The following SLC2A5 variants were observed in gnomAD, a reference collection of about 807,000 sequenced individuals.
SLC2A5 encodes solute carrier family 2 member 5, also known as solute carrier family 2, facilitated glucose transporter member 5.
SLC2A5 carries 56 observed loss-of-function variants against 50.3 expected under a neutral mutation model. That is an observed-to-expected ratio of 1.11 (90% CI 0.90 to 1.39). The LOEUF is 1.39. Ranked by LOEUF, SLC2A5 falls within the 40% of genes most tolerant of loss-of-function variation. The probability of loss-of-function intolerance (pLI) is 0.00; values close to 1 mark genes in which losing one functional copy is unlikely to be tolerated. For missense variants in SLC2A5, 566 were observed against 650.1 expected (o/e 0.87, Z 1.41); for synonymous variants, 269 against 281.9 (o/e 0.95, Z 0.46).
In SLC2A5 at chr1:9,066,103, A is replaced by C. The variant is rs1399342689; in HGVS notation, c.33+3401T>G. On this transcript the variant is annotated intron_variant, in intron 1 of 11. Transcript: ENST00000377424. ...GAATATCAGTGAGGACCCGGAGAGC[A>C]CAGAGGGGTGTCAGTTGCTCTAGGA... Among the ~76,000 whole-genome samples the C allele has an allele frequency of 2.6e-5, 4 of 152,224 alleles. 1 individual carries two copies. Among genetic ancestry groups the C allele is most frequent in the South Asian group, 4.1e-4 (2 of 4,834 alleles).
chr1:9,060,587 A>C (rs893545126), intron 1 of SLC2A5, among the ~76,000 whole-genome samples: 75 of 95,264 alleles, frequency 7.9e-4, no homozygotes, highest in East Asian at 5.3e-3. Context: ...CCCACCCCCC[A>C]CACACATAGG....
chr1:9,077,427 C>T (rs1019014204), intron 2 of SLC2A5, among the ~76,000 whole-genome samples: 2 of 134,032 alleles, frequency 1.5e-5, no homozygotes, highest in Admixed American at 1.5e-4. Flanking sequence ...AAAAAAAGAA[C>T]ACAAAAAAAC....
At chr1:9,092,296 C>G (rs1642468686), upstream of SLC2A5, among the ~76,000 whole-genome samples, 1 of 152,154 alleles carries the variant, frequency 6.6e-6, no homozygotes, top group Non-Finnish European at 1.5e-5. Context: ...AATTCAAACC[C>G]TACATACTGG....
rs540210288 is a variant in SLC2A5 at position 9,063,370 on chromosome 1, A to C, written c.34-5120T>G. 1.8e-3 allele frequency among the ~76,000 whole-genome samples: 269 copies of C among 148,174 alleles called. 2 individuals are homozygous for C. The highest frequency in any genetic ancestry group is 6.5e-3 in the African/African-American group (260 of 40,000). On this transcript the variant is annotated intron_variant, in intron 1 of 11. Transcript: ENST00000377424. The stretch of plus-strand genomic sequence containing the variant: ...CCAGCCTGTATACTTTATTTATTTA[A>C]ATTTTTTTTGTTGTTGTTTTGAGAC...
At chr1:9,057,402 T>C in intron 3 of SLC2A5, 46 bp downstream of exon 3, 2 of 1,463,046 alleles carry the variant, frequency 1.4e-6, no homozygotes, top group Non-Finnish European at 1.9e-6. Flanking sequence ...TTAGCTCTGA[T>C]GGGGGTCTAT....
chr1:9,073,189 G>T (rs1299254353), upstream of SLC2A5: 1 of 152,148 alleles, frequency 6.6e-6, no homozygotes, highest in East Asian at 1.9e-4. Context: ...TTAAAGTTTT[G>T]CCACGGGCCT....
At chr1:9,084,661 G>C (rs1329693961) in intron 2 of SLC2A5, among the ~76,000 whole-genome samples, 1 of 152,164 alleles carries the variant, frequency 6.6e-6, no homozygotes, top group Non-Finnish European at 1.5e-5. Context: ...AACATATCTT[G>C]CATCTCACCC....
At position 9,081,468 on chromosome 1, in the gene SLC2A5, T is replaced by TAA. The variant is rs34557003; in HGVS notation, c.-59+3544_-59+3545dup. On this transcript the variant is annotated intron_variant, in intron 2 of 5. Transcript: ENST00000464985. Reference sequence around the variant, plus strand: ...GGCAATGGAGGTAGACTCCTTCTCTTAAAAAAAAAAAAAAAAAAAAAGTAA... The same window carrying TAA: ...GGCAATGGAGGTAGACTCCTTCTCTTAAAAAAAAAAAAAAAAAAAAAAAGTAA... Among the ~76,000 whole-genome samples the TAA allele has an allele frequency of 2.7e-3, 275 of 102,422 alleles. 3 individuals carry two copies. The highest frequency in any genetic ancestry group is 8.2e-3 in the African/African-American group (215 of 26,062). The allele number at this position is 102,422 out of a possible 152,430, so 67.2% of individuals were successfully genotyped here.
chr1:9,069,302 A>G (rs1421102570), intron 1 of SLC2A5, among the ~76,000 whole-genome samples: 2 of 152,216 alleles, frequency 1.3e-5, no homozygotes, highest in African/African-American at 2.4e-5. Flanking sequence ...TGATTTCCAC[A>G]GAGCACTTGT....
chr1:9,076,105 G>A (rs1340443690), intron 2 of SLC2A5, among the ~76,000 whole-genome samples: 1 of 151,888 alleles, frequency 6.6e-6, no homozygotes, highest in Non-Finnish European at 1.5e-5. Flanking sequence ...ACAGACGCAC[G>A]CCACTACGCC....
chr1:9,077,629 C>A (rs1376156086), intron 2 of SLC2A5, among the ~76,000 whole-genome samples: 2 of 150,426 alleles, frequency 1.3e-5, no homozygotes, highest in Non-Finnish European at 3.0e-5. Context: ...GTGGCAGGCA[C>A]CTGTAATTCC....
intron 5 of SLC2A5, chr1:9,041,500 A>G: frequency 7.5e-7 from 1 of 1,333,128 alleles, no homozygotes; most frequent in Non-Finnish European, 9.6e-7. Flanking sequence ...ACGGGCCTCC[A>G]TATGGACAGC....
chr1:9,089,947 T>C (rs1642446118), upstream of SLC2A5, among the ~76,000 whole-genome samples: 1 of 152,184 alleles, frequency 6.6e-6, no homozygotes, highest in African/African-American at 2.4e-5. Flanking sequence ...TTAATATTAC[T>C]TCCTTTCTTT....
intron 2 of SLC2A5, among the ~76,000 whole-genome samples, chr1:9,076,153 G>A (rs548541872): frequency 2.2e-4 from 33 of 149,328 alleles, no homozygotes; most frequent in African/African-American, 7.7e-4. Context: ...GCGGGGTTTC[G>A]CCATGTTGGC....
intron 4 of SLC2A5, among the ~76,000 whole-genome samples, chr1:9,042,966 G>A (rs1641344177): frequency 1.3e-5 from 2 of 152,126 alleles, no homozygotes; most frequent in South Asian, 4.1e-4. Context: ...ATCTGGTGGA[G>A]GGAAAACTTA....
At chr1:9,069,719 CT>C, upstream of SLC2A5, 1 of 649,230 alleles carries the variant, frequency 1.5e-6, no homozygotes, top group Non-Finnish European at 2.7e-6. Context: ...TTCACTTCTG[CT>C]TTTAAATGAA....
At chr1:9,046,495 A>T (rs1469660963) in intron 4 of SLC2A5, among the ~76,000 whole-genome samples, 1 of 152,178 alleles carries the variant, frequency 6.6e-6, no homozygotes, top group Non-Finnish European at 1.5e-5. Context: ...TCAGGAATAG[A>T]ACTCAGTACG....
intron 3 of SLC2A5, among the ~76,000 whole-genome samples, chr1:9,050,239 T>A (rs1263534763): frequency 6.6e-6 from 1 of 151,742 alleles, no homozygotes; most frequent in Non-Finnish European, 1.5e-5. Flanking sequence ...ATTATGCCAC[T>A]TGCACTCCAG....
intron 2 of SLC2A5, among the ~76,000 whole-genome samples, chr1:9,077,438 A>G (rs962427005): frequency 6.2e-5 from 8 of 129,122 alleles, no homozygotes; most frequent in Non-Finnish European, 1.3e-4. Context: ...ACAAAAAAAC[A>G]AAAAAAAAAC....
Sources: allele counts gnomAD v4.1 joint callset (sites outside exome capture counted in the v4.1 genomes callset), GRCh38; gene constraint gnomAD v4.1.1; transcripts MANE v1.5; gene names NCBI Gene and HGNC (gene_info 2026-07-23, HGNC 2026-07-21).